Variants in IQANK1 observed in about 807,000 individuals in gnomAD.
The protein encoded by IQANK1 is IQ motif and ankyrin repeat containing 1.
IQANK1 carries 30 observed loss-of-function variants against 22.6 expected under a neutral mutation model. The observed-to-expected ratio is 1.33, with a 90% confidence interval of 0.99 to 1.80. The LOEUF is 1.80. Among genes scored for constraint, IQANK1 ranks in the 40% most tolerant of loss-of-function variants. The probability of loss-of-function intolerance (pLI) is 0.00; values close to 1 mark genes in which losing one functional copy is unlikely to be tolerated. For missense variants in IQANK1, 275 were observed against 235.2 expected (o/e 1.17, Z -1.11); for synonymous variants, 122 against 99.6 (o/e 1.23, Z -1.34).
At chr8:143,788,463 TTG>T (rs1173897312) in intron 7 of IQANK1, among the ~76,000 whole-genome samples, 1 of 152,010 alleles carries the variant, frequency 6.6e-6, no homozygotes, top group Non-Finnish European at 1.5e-5. Flanking sequence ...GCCCCAGGGA[TTG>T]TGTCCTGCAG....
chr8:143,741,005 C>T (rs1818897714), intron 3 of IQANK1, among the ~76,000 whole-genome samples: 1 of 152,208 alleles, frequency 6.6e-6, no homozygotes, highest in African/African-American at 2.4e-5. Flanking sequence ...CTAGGGAACT[C>T]TGGGGAGGAT....
chr8:143,749,059 AATAT>A lies in IQANK1; in HGVS notation c.175+9116_175+9119del, dbSNP rs1286970298. 3.3e-5 allele frequency among the ~76,000 whole-genome samples: 4 copies of A among 121,928 alleles called. No individual in the cohort carries two copies. In the Admixed American group the frequency reaches 3.9e-4, roughly 12 times the overall value. 80.0% of individuals were successfully genotyped at this position (121,928 alleles called of 152,430 possible). A position where few individuals can be genotyped will look rare whatever the true frequency, so the allele number is the denominator to read the frequency against. On this transcript the variant is annotated intron_variant, in intron 3 of 13. Coordinates refer to ENST00000527139, the MANE Select transcript of IQANK1 (RefSeq NM_001381874.1). ...AAATATATATCATATATTAAATATA[AATAT>A]ATATCATATATGATATAAATGTATA...
Position 143,758,695 on chromosome 8 carries a change from C to G in IQANK1, c.176-12793C>G, listed in dbSNP as rs1554628660. 1 of 152,258 alleles carries G rather than the reference C, an allele frequency of 6.6e-6. No homozygotes were observed. The highest frequency in any genetic ancestry group is 1.5e-5 in the Non-Finnish European group (1 of 68,084). The allele number at this position is 152,258 out of a possible 1,614,324, so 9.4% of individuals were successfully genotyped here. A position where few individuals can be genotyped will look rare whatever the true frequency, so the allele number is the denominator to read the frequency against. On this transcript the variant is annotated intron_variant, in intron 3 of 13. Transcript: ENST00000527139. The surrounding 1 kb of genome is among the most constrained non-coding windows in gnomAD (Gnocchi z 4.2). ...TCAAAACTGGCAGTGACACCTGGCC[C>G]CTGACAAGCCTGAGTCACAGGTCCC...
chr8:143,737,208 G>C (rs531284336), intron 2 of IQANK1, among the ~76,000 whole-genome samples: 72 of 152,350 alleles, frequency 4.7e-4, no homozygotes, highest in African/African-American at 1.7e-3. Context: ...CAATAAACGG[G>C]GGGCAGGGCA....
intron 3 of IQANK1, among the ~76,000 whole-genome samples, chr8:143,760,704 A>T (rs1240660283): frequency 6.6e-6 from 1 of 152,150 alleles, no homozygotes; most frequent in African/African-American, 2.4e-5. Context: ...AATAAATAGT[A>T]AAGTTTTTAT....
At chr8:143,750,823 AAAAAT>A (rs1293659784) in intron 3 of IQANK1, among the ~76,000 whole-genome samples, 18 of 152,322 alleles carry the variant, frequency 1.2e-4, no homozygotes, top group African/African-American at 3.8e-4. Flanking sequence ...CTAAAAAACA[AAAAAT>A]AAAATAAAAT....
Position 143,790,607 on chromosome 8 carries a change from A to G in IQANK1, c.1682A>G (p.Ter561TrpextTer7), listed in dbSNP as rs1820020800. The G allele has an allele frequency of 2.5e-6, 1 of 398,824 alleles. No individual in the cohort carries two copies. The highest frequency in any genetic ancestry group is 4.4e-6 in the Non-Finnish European group (1 of 226,086). The allele number at this position is 398,824 out of a possible 1,614,324, so 24.7% of individuals were successfully genotyped here. ...GTGCAGCTGCCAGGCACAGGCCTCTAGTGCTGGCCCCAGTCCCAATAAAAC... is the reference window on the plus strand; with the variant it reads ...GTGCAGCTGCCAGGCACAGGCCTCTGGTGCTGGCCCCAGTCCCAATAAAAC... ...VRVQLPGTGL* is the reference protein window; with the variant it reads ...VRVQLPGTGLW The change falls in exon 14 of 14, where the codon TAG becomes TGG. Residue 561 changes from the stop codon to tryptophan (W), a stop_lost. Transcript: ENST00000527139.
At chr8:143,747,174 C>T (rs570134660) in intron 3 of IQANK1, among the ~76,000 whole-genome samples, 73 of 152,312 alleles carry the variant, frequency 4.8e-4, no homozygotes, top group Middle Eastern at 6.8e-3. Flanking sequence ...CCACCGCGCC[C>T]GGCCTATATT....
At position 143,771,696 on chromosome 8, in the gene IQANK1, G is replaced by C. The variant is rs1368565320; in HGVS notation, c.306+78G>C. 2.5e-6 allele frequency: 1 copy of C among 398,076 alleles called. No homozygotes were observed. The highest frequency in any genetic ancestry group is 4.4e-6 in the Non-Finnish European group (1 of 225,874). The allele number at this position is 398,076 out of a possible 1,614,324, so 24.7% of individuals were successfully genotyped here. On this transcript the variant is annotated intron_variant, in intron 4 of 13. Coordinates refer to ENST00000527139, the MANE Select transcript of IQANK1 (RefSeq NM_001381874.1). The surrounding 1 kb of genome is among the most constrained non-coding windows in gnomAD (Gnocchi z 6.0). Reference sequence around the variant, plus strand: ...AAATGGCGAAGCAGGGTGCGTGGTGGGGGTGAGGCTCAGATCGGGCTCCGA... The same window carrying C: ...AAATGGCGAAGCAGGGTGCGTGGTGCGGGTGAGGCTCAGATCGGGCTCCGA...
chr8:143,751,652 G>GTATATATATATATATA (rs1282292064), intron 3 of IQANK1, among the ~76,000 whole-genome samples: 1 of 33,322 alleles, frequency 3.0e-5, no homozygotes, highest in African/African-American at 6.2e-5. Flanking sequence ...GTGTGTGTGT[G>GTATATATATATATATA]TGTGTGTGTG....
At position 143,771,362 on chromosome 8, in the gene IQANK1, G is replaced by A; in HGVS notation, c.176-126G>A. ...GAACCCCGGCTCGGCCGCGCTGGGG[G>A]CTTTGAGAGCCGTTTGGGTCCTTCT... On this transcript the variant is annotated intron_variant, in intron 3 of 13. Transcript: ENST00000527139. The surrounding 1 kb of genome is among the most constrained non-coding windows in gnomAD (Gnocchi z 6.0). The A allele has an allele frequency of 2.6e-6, 1 of 385,488 alleles. No individual in the cohort carries two copies. The highest frequency in any genetic ancestry group is 4.5e-6 in the Non-Finnish European group (1 of 219,886). The allele number at this position is 385,488 out of a possible 1,614,324, so 23.9% of individuals were successfully genotyped here.
At chr8:143,756,060 G>C (rs1365401739) in intron 3 of IQANK1, among the ~76,000 whole-genome samples, 1 of 152,138 alleles carries the variant, frequency 6.6e-6, no homozygotes, top group African/African-American at 2.4e-5. Flanking sequence ...TCCCCAAAAT[G>C]CATGACTCTG....
intron 3 of IQANK1, among the ~76,000 whole-genome samples, chr8:143,769,753 C>T (rs1253421657): frequency 6.6e-6 from 1 of 152,210 alleles, no homozygotes; most frequent in African/African-American, 2.4e-5. Flanking sequence ...GCTTTGAATG[C>T]CGTCAGACAC....
At chr8:143,769,193 G>A (rs1255426398) in intron 3 of IQANK1, among the ~76,000 whole-genome samples, 4 of 151,972 alleles carry the variant, frequency 2.6e-5, no homozygotes, top group South Asian at 2.1e-4. Flanking sequence ...CTGAGTAACC[G>A]GGACTACAGA....
intron 3 of IQANK1, among the ~76,000 whole-genome samples, chr8:143,740,181 G>A (rs929776037): frequency 9.9e-5 from 15 of 152,030 alleles, no homozygotes; most frequent in Non-Finnish European, 2.2e-4. Flanking sequence ...ACCTCCTGGT[G>A]CTCCACCTCC....
At chr8:143,757,994 G>C (rs1018200476) in intron 3 of IQANK1, among the ~76,000 whole-genome samples, 2 of 152,128 alleles carry the variant, frequency 1.3e-5, no homozygotes, top group Admixed American at 6.5e-5. Context: ...CCAATATAGT[G>C]TATCAGTTCA....
intron 3 of IQANK1, chr8:143,742,599 C>G (rs1818945911): frequency 2.2e-6 from 1 of 455,982 alleles, no homozygotes; most frequent in African/African-American, 2.0e-5. Flanking sequence ...GAAACCCAGC[C>G]TGGGAAGGCA....
rs1818724447 is a variant in IQANK1 at position 143,735,896 on chromosome 8, TG to T, written c.45del (p.Trp15CysfsTer141). 2 of 702,400 alleles carry T rather than the reference TG, an allele frequency of 2.8e-6. No homozygotes were observed. The highest frequency in any genetic ancestry group is 2.6e-6 in the Non-Finnish European group (1 of 384,900). The allele number at this position is 702,400 out of a possible 1,614,324, so 43.5% of individuals were successfully genotyped here. ...GAGACCCAAAGCTGCAGCTGGGAAG[TG>T]GCAGACGCTCCACCCTGGGCCCAAG... ...KGRPKAAAGKWQTLHPGPKTR... is the reference protein window; with the variant it reads ...KGRPKAAAGKXQTLHPGPKTR... On this transcript the variant is annotated frameshift_variant, in exon 2 of 14. Transcript: ENST00000527139. LOFTEE classifies it high-confidence loss of function. The surrounding 1 kb of genome is among the most constrained non-coding windows in gnomAD (Gnocchi z 5.2).
At chr8:143,775,470 T>C (rs1300416254) in intron 7 of IQANK1, among the ~76,000 whole-genome samples, 2 of 151,732 alleles carry the variant, frequency 1.3e-5, no homozygotes, top group African/African-American at 4.8e-5. Flanking sequence ...TAAAAGTTAT[T>C]ATAGCTGAGG....
Sources: allele counts gnomAD v4.1 joint callset (sites outside exome capture counted in the v4.1 genomes callset), GRCh38; gene constraint gnomAD v4.1.1; non-coding constraint Gnocchi (gnomAD v3.1); transcripts MANE v1.5; gene names NCBI Gene and HGNC (gene_info 2026-07-23, HGNC 2026-07-21).